The following TRIOBP variants were observed in gnomAD, a reference collection of about 807,000 sequenced individuals.
TRIOBP encodes the protein TRIO and F-actin binding protein, also known as TRIO and F-actin-binding protein.
Under a neutral mutation model 238.8 loss-of-function variants are expected in TRIOBP, and 169 were observed. The ratio of observed to expected loss-of-function variants is 0.71; its 90% CI spans 0.62 to 0.80. The LOEUF is 0.80. Ranked by LOEUF, TRIOBP falls within the 30% of genes least tolerant of loss-of-function variation. The probability of loss-of-function intolerance (pLI) is 0.00; values close to 1 mark genes in which losing one functional copy is unlikely to be tolerated. For synonymous variants in TRIOBP, 1,150 were observed against 1,274.4 expected, an observed-to-expected ratio of 0.90 and a Z score of 2.08; for missense variants, 2,838 against 3,122.6, an observed-to-expected ratio of 0.91 and a Z score of 2.17.
chr22:37,724,457 C>A lies in TRIOBP; in HGVS notation c.1901C>A (p.Pro634His). Residue 634 changes from proline (P) to histidine (H), a missense_variant, in exon 7 of 24, where the codon CCC becomes CAC. Physicochemically the swap from Pro to His is moderately conservative, Grantham distance 77 (BLOSUM62 -2). This residue lies in a region of TRIOBP where 167 missense variants were observed against 200.2 expected (regional missense o/e 0.83). Transcript: ENST00000644935. Reference protein sequence around the residue: ...PRTSCAQRDNPRASSPNRTTQ... With the variant: ...PRTSCAQRDNHRASSPNRTTQ... ...ACATCCTGTGCCCAGCGGGACAATCCCAGAGCCTCCTCTCCCAACAGAACC... is the reference window on the plus strand; with the variant it reads ...ACATCCTGTGCCCAGCGGGACAATCACAGAGCCTCCTCTCCCAACAGAACC... 6.2e-7 allele frequency: 1 copy of A among 1,612,338 alleles called. No homozygotes were observed. The highest frequency in any genetic ancestry group is 8.5e-7 in the Non-Finnish European group (1 of 1,179,266).
chr22:37,751,628 C>T, intron 11 of TRIOBP, 144 bp from the exon 12 acceptor site: 1 of 855,576 alleles, frequency 1.2e-6, no homozygotes, highest in South Asian at 1.4e-5. Flanking sequence ...TGGGGGTTAC[C>T]TAGGGCCTTA....
intron 11 of TRIOBP, 130 bp downstream of exon 11, chr22:37,741,162 C>T (rs1256532744): frequency 1.6e-6 from 2 of 1,272,276 alleles, no homozygotes; most frequent in East Asian, 2.5e-5. Context: ...CGTCGCATGA[C>T]AGGAGAGGTG....
intron 11 of TRIOBP, among the ~76,000 whole-genome samples, chr22:37,745,938 G>A (rs1242084489): frequency 6.6e-6 from 1 of 151,850 alleles, no homozygotes; most frequent in Non-Finnish European, 1.5e-5. Flanking sequence ...CATTGCCGGA[G>A]TCACCTGCAC....
intron 3 of TRIOBP, among the ~76,000 whole-genome samples, chr22:37,708,807 G>A (rs528986253): frequency 1.4e-4 from 21 of 152,366 alleles, no homozygotes; most frequent in African/African-American, 4.8e-4. Flanking sequence ...GTCCATCTGA[G>A]GCCAGAGCCA....
At chr22:37,699,149 C>CA (rs1451803599) in intron 2 of TRIOBP, among the ~76,000 whole-genome samples, 5 of 151,866 alleles carry the variant, frequency 3.3e-5, no homozygotes, top group African/African-American at 9.7e-5. Flanking sequence ...GACTTCGTCT[C>CA]AAAAAAACAA....
At chr22:37,739,736 G>A (rs1924846403) in intron 10 of TRIOBP, among the ~76,000 whole-genome samples, 1 of 152,198 alleles carries the variant, frequency 6.6e-6, no homozygotes, top group Non-Finnish European at 1.5e-5. Flanking sequence ...GGGGACACTG[G>A]TCGCTAAAGG....
Position 37,774,818 on chromosome 22 carries a change from C to T in TRIOBP, c.*1038C>T, listed in dbSNP as rs933844537. 1.3e-5 allele frequency: 2 copies of T among 151,952 alleles called. No individual in the cohort carries two copies. The highest frequency in any genetic ancestry group is 4.8e-5 in the African/African-American group (2 of 41,264). The allele number at this position is 151,952 out of a possible 1,614,324, so 9.4% of individuals were successfully genotyped here. ...CGTGACCTTCAAAGTCTGAGGAGCC[C>T]TGGAGTAGGGCCCAGGGCCCAGGCC... On this transcript the variant is annotated 3_prime_UTR_variant, in exon 24 of 24. Coordinates refer to ENST00000644935, the MANE Select transcript of TRIOBP (RefSeq NM_001039141.3).
intron 6 of TRIOBP, among the ~76,000 whole-genome samples, chr22:37,718,171 C>CA (rs1057436392): frequency 6.6e-6 from 1 of 152,232 alleles, no homozygotes; most frequent in Non-Finnish European, 1.5e-5. Context: ...CCCGGAACTC[C>CA]AGCTGGCCCA....
chr22:37,767,680 G>A (rs1926570156), intron 18 of TRIOBP, among the ~76,000 whole-genome samples: 1 of 152,190 alleles, frequency 6.6e-6, no homozygotes, highest in Non-Finnish European at 1.5e-5. Context: ...AAAGCAGATA[G>A]GCCTTGTTTG....
intron 3 of TRIOBP, among the ~76,000 whole-genome samples, chr22:37,701,919 G>A (rs1224303760): frequency 1.3e-5 from 2 of 152,224 alleles, no homozygotes; most frequent in Middle Eastern, 3.4e-3. Flanking sequence ...CCCGAGGTCG[G>A]GAGTTTGAAA....
Position 37,735,419 on chromosome 22 carries a change from G to A in TRIOBP, c.5083G>A (p.Gly1695Ser). 1.3e-6 allele frequency: 2 copies of A among 1,578,674 alleles called. No homozygotes were observed. Among genetic ancestry groups the A allele is most frequent in the Non-Finnish European group, 1.7e-6 (2 of 1,162,750 alleles). Residue 1695 changes from glycine (G) to serine (S), a missense_variant, in exon 9 of 24, where the codon GGC (glycine) becomes AGC (serine). Gly to Ser is a moderately conservative substitution (Grantham distance 56). This residue lies in a region of TRIOBP where 2,096 missense variants were observed against 2,137.4 expected (regional missense o/e 0.98). Transcript: ENST00000644935. ...GPLGSRSTAK[G>S]PSLPELQFQP... ...CCTGGGGAGCAGGAGCACTGCGAAG[G>A]GCCCCAGCTTGCCAGAGCTGCAGGT... is the stretch of plus-strand genomic sequence containing the variant.
chr22:37,704,970 G>A (rs935459039), intron 3 of TRIOBP, among the ~76,000 whole-genome samples: 2 of 152,008 alleles, frequency 1.3e-5, no homozygotes, highest in Non-Finnish European at 2.9e-5. Flanking sequence ...CTAGTCAGAA[G>A]GCTGATGTGG....
At chr22:37,747,339 T>C (rs538120365) in intron 11 of TRIOBP, among the ~76,000 whole-genome samples, 2 of 152,314 alleles carry the variant, frequency 1.3e-5, no homozygotes, top group African/African-American at 4.8e-5. Flanking sequence ...TGGCTAGTGC[T>C]TCAGGGAGGC....
At chr22:37,748,019 G>A (rs184374224) in intron 11 of TRIOBP, among the ~76,000 whole-genome samples, 123 of 152,304 alleles carry the variant, frequency 8.1e-4, no homozygotes, top group African/African-American at 2.9e-3. Flanking sequence ...TGATTATAGG[G>A]CCTTGTCAGG....
rs558471370 is a variant in TRIOBP, at chr22:37,757,818, A to G, written c.5893A>G (p.Thr1965Ala). 22 of 1,547,996 alleles carry G rather than the reference A, an allele frequency of 1.4e-5. No individual in the cohort carries two copies. The East Asian group carries it at 3.2e-4, about 22-fold the overall frequency. ...SPQRARTPAR[T>A]PDRLAKQEEL... ...GCAGCGGGCCCGCACCCCAGCCCGCACTCCTGACCGCCTGGCCAAGCAGGA... is the reference window on the plus strand; with the variant it reads ...GCAGCGGGCCCGCACCCCAGCCCGCGCTCCTGACCGCCTGGCCAAGCAGGA... Residue 1965 changes from threonine (T) to alanine (A), a missense_variant, in exon 16 of 24, where the codon ACT (threonine) becomes GCT (alanine). Physicochemically the swap from Thr to Ala is moderately conservative, Grantham distance 58 (BLOSUM62 0). Coordinates refer to ENST00000644935, the MANE Select transcript of TRIOBP (RefSeq NM_001039141.3).
At chr22:37,714,150 C>G (rs1325550669) in intron 5 of TRIOBP, among the ~76,000 whole-genome samples, 1 of 152,132 alleles carries the variant, frequency 6.6e-6, no homozygotes, top group East Asian at 1.9e-4. Context: ...TAGTGGAGGC[C>G]ACACATCTGG....
chr22:37,732,064 C>A (rs1924449237), intron 7 of TRIOBP, among the ~76,000 whole-genome samples: 1 of 152,230 alleles, frequency 6.6e-6, no homozygotes, highest in Non-Finnish European at 1.5e-5. Flanking sequence ...TGGTTCAGTT[C>A]ATCGACCAAA....
intron 12 of TRIOBP, among the ~76,000 whole-genome samples, chr22:37,753,224 C>T (rs917986031): frequency 6.6e-5 from 10 of 152,110 alleles, no homozygotes; most frequent in African/African-American, 1.4e-4. Flanking sequence ...AGAGGATGGG[C>T]GCCGCTCGCC....
chr22:37,750,974 C>T lies in TRIOBP; in HGVS notation c.5323-798C>T, dbSNP rs970954712. On this transcript the variant is annotated intron_variant, in intron 11 of 23. Transcript: ENST00000644935. The stretch of plus-strand genomic sequence containing the variant: ...ACCTCCTCCCTGCCGGCGCCAGGAG[C>T]GGAGACTGCAGAGGGACCGGGACTT... The T allele has an allele frequency of 4.1e-4, 153 of 370,346 alleles. 1 individual carries two copies. Among genetic ancestry groups the T allele is most frequent in the African/African-American group, 2.9e-3 (137 of 47,020 alleles). The allele number at this position is 370,346 out of a possible 1,614,324, so 22.9% of individuals were successfully genotyped here.
Sources: gnomAD v4.1 joint callset for allele counts (sites outside exome capture counted in the v4.1 genomes callset) on GRCh38, gnomAD v4.1.1 for gene constraint, gnomAD v4.1.1 regional missense constraint, MANE v1.5 for transcripts, NCBI Gene and HGNC (gene_info 2026-07-23, HGNC 2026-07-21) for gene names.